SGCZ: variants seen among roughly 807,000 people sequenced by gnomAD.
SGCZ encodes zeta-sarcoglycan.
SGCZ carries 40 observed loss-of-function variants against 41.3 expected under a neutral mutation model. The ratio of observed to expected loss-of-function variants is 0.97; its 90% CI spans 0.75 to 1.26. The LOEUF is 1.26. Among genes scored for constraint, SGCZ ranks in the 50% most tolerant of loss-of-function variants. The pLI is 0.00. For missense variants in SGCZ, 552 were observed against 369.8 expected, an observed-to-expected ratio of 1.49 and a Z score of -4.04; for synonymous variants, 206 against 137.5, an observed-to-expected ratio of 1.50 and a Z score of -3.49.
chr8:14,109,505 T>A (rs528670155), intron 5 of SGCZ, among the ~76,000 whole-genome samples: 1 of 152,314 alleles, frequency 6.6e-6, no homozygotes, highest in South Asian at 2.1e-4. Flanking sequence ...AAGAACCTCA[T>A]ACCTGTTCCA....
intron 5 of SGCZ, among the ~76,000 whole-genome samples, chr8:14,139,276 T>G (rs920165602): frequency 5.3e-5 from 8 of 151,942 alleles, no homozygotes; most frequent in Non-Finnish European, 8.8e-5. Flanking sequence ...ACGTCACAAT[T>G]AAAAGAACTA....
chr8:14,548,066 T>A (rs1014426748), intron 2 of SGCZ, among the ~76,000 whole-genome samples: 4 of 152,166 alleles, frequency 2.6e-5, no homozygotes, highest in Non-Finnish European at 5.9e-5. Flanking sequence ...TGTTAGTATA[T>A]GTCAGGTACT....
intron 1 of SGCZ, among the ~76,000 whole-genome samples, chr8:14,773,169 T>C (rs552614437): frequency 6.6e-6 from 1 of 152,312 alleles, no homozygotes; most frequent in Admixed American, 6.5e-5. Flanking sequence ...TGCATTTCTC[T>C]GATGGCCAGG....
intron 2 of SGCZ, among the ~76,000 whole-genome samples, chr8:14,495,626 C>T (rs949086341): frequency 6.6e-6 from 1 of 152,050 alleles, no homozygotes; most frequent in Non-Finnish European, 1.5e-5. Context: ...ATTACAAGCA[C>T]AAGATACAAA....
intron 1 of SGCZ, among the ~76,000 whole-genome samples, chr8:14,738,633 C>T (rs1330570020): frequency 6.6e-6 from 1 of 152,020 alleles, no homozygotes; most frequent in Non-Finnish European, 1.5e-5. Flanking sequence ...GTTTACATGA[C>T]TTTCTAAAGC....
chr8:14,776,640 C>A (rs1188442662), intron 1 of SGCZ, among the ~76,000 whole-genome samples: 1 of 150,812 alleles, frequency 6.6e-6, no homozygotes, highest in Non-Finnish European at 1.5e-5. Context: ...ACTACAGGCG[C>A]CTACCACCAC....
At chr8:15,190,101 C>A (rs1044899778) in intron 1 of SGCZ, among the ~76,000 whole-genome samples, 2 of 152,088 alleles carry the variant, frequency 1.3e-5, no homozygotes, top group Admixed American at 6.6e-5. Flanking sequence ...CCTTCACAAA[C>A]CCATGGTTTG....
rs572167335 is a variant in SGCZ at position 14,883,055 on chromosome 8, T to C, written c.40-328129A>G. ...CATAAAATAATTTTTTGAAAATAAA[T>C]ATTATTTTTGAAAAGAAGCTTCAAA... On this transcript the variant is annotated intron_variant, in intron 1 of 7. Transcript: ENST00000382080. Among the ~76,000 whole-genome samples, 14 of 152,216 alleles carry C rather than the reference T, an allele frequency of 9.2e-5. No individual in the cohort carries two copies. In the South Asian group the frequency reaches 2.5e-3, roughly 27 times the overall value.
intron 1 of SGCZ, among the ~76,000 whole-genome samples, chr8:14,734,242 A>T (rs1346295477): frequency 6.6e-6 from 1 of 152,232 alleles, no homozygotes; most frequent in African/African-American, 2.4e-5. Context: ...TCAAGATTAA[A>T]TTCTAAGAAT....
At chr8:14,807,680 C>A (rs1254672317) in intron 1 of SGCZ, among the ~76,000 whole-genome samples, 1 of 151,598 alleles carries the variant, frequency 6.6e-6, no homozygotes, top group Non-Finnish European at 1.5e-5. Context: ...GATTCAATGC[C>A]ATCCCCATCA....
At chr8:14,109,906 C>G (rs1263209842) in intron 5 of SGCZ, among the ~76,000 whole-genome samples, 1 of 152,052 alleles carries the variant, frequency 6.6e-6, no homozygotes, top group African/African-American at 2.4e-5. Flanking sequence ...AAGCTAAAAG[C>G]TATTGGCATT....
At chr8:15,016,397 G>C (rs895490564) in intron 1 of SGCZ, among the ~76,000 whole-genome samples, 12 of 152,328 alleles carry the variant, frequency 7.9e-5, no homozygotes, top group South Asian at 4.1e-4. Flanking sequence ...GCGATGGTAG[G>C]TGGATGGGTG....
At chr8:14,986,304 C>CTAATTACTG (rs1801824116) in intron 1 of SGCZ, among the ~76,000 whole-genome samples, 1 of 152,054 alleles carries the variant, frequency 6.6e-6, no homozygotes, top group African/African-American at 2.4e-5. Flanking sequence ...GTAATTACCA[C>CTAATTACTG]TAAGGTTCTT....
intron 1 of SGCZ, among the ~76,000 whole-genome samples, chr8:15,047,743 T>C (rs767800215): frequency 1.3e-5 from 2 of 152,048 alleles, no homozygotes; most frequent in Non-Finnish European, 2.9e-5. Context: ...TATAGCTGCA[T>C]TAACAAGCTT....
chr8:14,141,173 A>C (rs1803357380), intron 5 of SGCZ, among the ~76,000 whole-genome samples: 1 of 152,238 alleles, frequency 6.6e-6, no homozygotes, highest in African/African-American at 2.4e-5. Flanking sequence ...AAATTAATTC[A>C]AGATGGATTA....
chr8:14,127,466 A>AT (rs1320560640), intron 5 of SGCZ, among the ~76,000 whole-genome samples: 1 of 151,834 alleles, frequency 6.6e-6, no homozygotes, highest in Non-Finnish European at 1.5e-5. Flanking sequence ...CTATTTATTT[A>AT]TTTTTTTGAT....
intron 1 of SGCZ, among the ~76,000 whole-genome samples, chr8:15,027,374 T>C (rs1803496197): frequency 7.2e-6 from 1 of 138,806 alleles, no homozygotes. Context: ...GGAGTTAATT[T>C]AAAAAGAAAT....
chr8:14,269,657 G>T (rs577943838), intron 3 of SGCZ, among the ~76,000 whole-genome samples: 2 of 152,166 alleles, frequency 1.3e-5, no homozygotes, highest in African/African-American at 4.8e-5. Flanking sequence ...TGATAGTGTG[G>T]AGAGTTCTTT....
intron 5 of SGCZ, among the ~76,000 whole-genome samples, chr8:14,109,408 G>GTAAT (rs1423402381): frequency 3.9e-5 from 6 of 152,172 alleles, no homozygotes; most frequent in African/African-American, 1.4e-4. Context: ...AATCTTTTCT[G>GTAAT]TAATTTTGCA....
Sources: allele counts gnomAD v4.1 joint callset (sites outside exome capture counted in the v4.1 genomes callset), GRCh38; gene constraint gnomAD v4.1.1; transcripts MANE v1.5; gene names NCBI Gene and HGNC (gene_info 2026-07-23, HGNC 2026-07-21).